The following LRP1B variants were observed in gnomAD, a reference collection of about 807,000 sequenced individuals.
LRP1B encodes low-density lipoprotein receptor-related protein 1B.
In LRP1B, 217 loss-of-function variants were observed where a neutral mutation model predicts 556.6. The ratio of observed to expected loss-of-function variants is 0.39; its 90% CI spans 0.35 to 0.44. The LOEUF (loss-of-function observed/expected upper bound fraction) is 0.44, where lower values mean the gene tolerates loss of function less well. LRP1B is among the 20% of genes least tolerant of loss of function. The pLI is 1.00. For missense variants in LRP1B, 5,053 were observed against 5,620.8 expected (o/e 0.90, Z 3.23); for synonymous variants, 2,047 against 1,865.8 (o/e 1.10, Z -2.50).
At chr2:140,610,382 A>G (rs1275188698) in intron 41 of LRP1B, among the ~76,000 whole-genome samples, 3 of 152,148 alleles carry the variant, frequency 2.0e-5, no homozygotes, top group Admixed American at 2.0e-4. Context: ...GAATAAATCA[A>G]TATGTATTTC....
At chr2:141,624,596 T>C (rs901948986) in intron 2 of LRP1B, among the ~76,000 whole-genome samples, 1 of 152,150 alleles carries the variant, frequency 6.6e-6, no homozygotes, top group African/African-American at 2.4e-5. Context: ...TCTATCTCTA[T>C]CTATAAATAG....
intron 43 of LRP1B, among the ~76,000 whole-genome samples, chr2:140,563,672 A>G (rs556178297): frequency 1.1e-4 from 16 of 152,288 alleles, no homozygotes; most frequent in Admixed American, 4.6e-4. Context: ...TTTATAGGAC[A>G]TTCAATCATG....
chr2:141,292,862 C>T (rs1285567194), intron 3 of LRP1B, among the ~76,000 whole-genome samples: 1 of 152,044 alleles, frequency 6.6e-6, no homozygotes, highest in East Asian at 1.9e-4. Context: ...ATAAAGGATA[C>T]TAGGTAAAAA....
intron 2 of LRP1B, among the ~76,000 whole-genome samples, chr2:141,809,085 T>A (rs1420771390): frequency 6.6e-6 from 1 of 152,080 alleles, no homozygotes; most frequent in Non-Finnish European, 1.5e-5. Context: ...TTTTTGGGAG[T>A]TAACTAGTGA....
At chr2:141,557,754 G>A (rs998363965) in intron 2 of LRP1B, among the ~76,000 whole-genome samples, 2 of 151,882 alleles carry the variant, frequency 1.3e-5, no homozygotes, top group Non-Finnish European at 2.9e-5. Flanking sequence ...TCTAGACTAA[G>A]AGTGTATAAC....
Position 141,519,401 on chromosome 2 carries a change from A to G in LRP1B, c.206-38868T>C, listed in dbSNP as rs1321756393. ...TATATATATATATATATATATATATATGAAATGCAATATTTATTGAATTTA... is the reference window on the plus strand; with the variant it reads ...TATATATATATATATATATATATATGTGAAATGCAATATTTATTGAATTTA... On this transcript the variant is annotated intron_variant, in intron 2 of 90. Coordinates refer to ENST00000389484, the MANE Select transcript of LRP1B (RefSeq NM_018557.3). 1.3e-4 allele frequency among the ~76,000 whole-genome samples: 3 copies of G among 22,608 alleles called. 1 individual carries two copies. Among genetic ancestry groups the G allele is most frequent in the East Asian group, 1.6e-3 (2 of 1,264 alleles). 14.8% of individuals were successfully genotyped at this position (22,608 alleles called of 152,430 possible).
At chr2:140,522,794 G>GA (rs1690240814) in intron 49 of LRP1B, among the ~76,000 whole-genome samples, 1 of 151,812 alleles carries the variant, frequency 6.6e-6, no homozygotes, top group Non-Finnish European at 1.5e-5. Flanking sequence ...AAAATTTAGA[G>GA]AAAATGAATA....
intron 11 of LRP1B, among the ~76,000 whole-genome samples, chr2:141,022,258 AT>A (rs368646087): frequency 0.01 from 1,573 of 151,428 alleles, 30 homozygotes; most frequent in African/African-American, 0.035. Flanking sequence ...AGCCTAGATT[AT>A]TTTTTAAGGT....
At chr2:142,091,703 G>A (rs1233299358) in intron 1 of LRP1B, among the ~76,000 whole-genome samples, 1 of 152,002 alleles carries the variant, frequency 6.6e-6, no homozygotes, top group Non-Finnish European at 1.5e-5. Flanking sequence ...CTCTGTTTTT[G>A]TTCAGGTAGA....
chr2:140,476,444 A>G (rs894628746), intron 59 of LRP1B, among the ~76,000 whole-genome samples: 5 of 152,034 alleles, frequency 3.3e-5, no homozygotes, highest in African/African-American at 1.2e-4. Context: ...ATTCAATTCA[A>G]ATCTAAAACA....
chr2:140,511,916 T>C (rs2104924014), intron 51 of LRP1B, among the ~76,000 whole-genome samples: 1 of 152,342 alleles, frequency 6.6e-6, no homozygotes, highest in East Asian at 1.9e-4. Context: ...TCTATCCTTT[T>C]TAAGCTTGCC....
At chr2:140,606,115 A>T (rs2105212291) in intron 41 of LRP1B, among the ~76,000 whole-genome samples, 1 of 152,184 alleles carries the variant, frequency 6.6e-6, no homozygotes, top group East Asian at 1.9e-4. Context: ...TGCAGATGGC[A>T]AGTACTGGTA....
rs547143847 is a variant in LRP1B at position 141,250,377 on chromosome 2, G to A, written c.464-3023C>T. 2.8e-4 allele frequency among the ~76,000 whole-genome samples: 43 copies of A among 152,188 alleles called. 1 individual carries two copies. The highest frequency in any genetic ancestry group is 9.9e-4 in the African/African-American group (41 of 41,538). On this transcript the variant is annotated intron_variant, in intron 4 of 90. Coordinates refer to ENST00000389484, the MANE Select transcript of LRP1B (RefSeq NM_018557.3). ...CCTCCAGTGAGAAGAAAGGGGACTG[G>A]GGGTTGGGCTAAAAAATAACTCTTG...
At chr2:141,384,863 G>A (rs544194108) in intron 3 of LRP1B, among the ~76,000 whole-genome samples, 165 of 152,282 alleles carry the variant, frequency 1.1e-3, no homozygotes, top group Middle Eastern at 3.4e-3. Flanking sequence ...CTCCTTCACT[G>A]ATTAATCCTT....
intron 7 of LRP1B, among the ~76,000 whole-genome samples, chr2:141,158,544 TC>T (rs1702124060): frequency 6.6e-6 from 1 of 152,086 alleles, no homozygotes; most frequent in African/African-American, 2.4e-5. Flanking sequence ...TCAATTTTGT[TC>T]TCTCTGTGGC....
At chr2:141,216,131 G>T (rs1365385423) in intron 6 of LRP1B, among the ~76,000 whole-genome samples, 1 of 152,162 alleles carries the variant, frequency 6.6e-6, no homozygotes, top group African/African-American at 2.4e-5. Flanking sequence ...AGGCTCTGCT[G>T]CTCTGCACAG....
At chr2:141,770,283 T>C (rs1005683594) in intron 2 of LRP1B, among the ~76,000 whole-genome samples, 1 of 152,224 alleles carries the variant, frequency 6.6e-6, no homozygotes, top group Non-Finnish European at 1.5e-5. Flanking sequence ...TAAATCCTCA[T>C]TTCTAAAAAT....
intron 2 of LRP1B, among the ~76,000 whole-genome samples, chr2:141,626,178 C>T (rs923347606): frequency 3.3e-5 from 5 of 152,048 alleles, no homozygotes; most frequent in African/African-American, 9.7e-5. Context: ...AATGAATTGA[C>T]TTTTGACAAA....
chr2:140,284,517 T>C (rs1021430597), intron 84 of LRP1B, among the ~76,000 whole-genome samples: 1 of 151,656 alleles, frequency 6.6e-6, no homozygotes, highest in Admixed American at 6.6e-5. Flanking sequence ...CACCTCATCA[T>C]AGTGAGAGAA....
Sources: allele counts gnomAD v4.1 joint callset (sites outside exome capture counted in the v4.1 genomes callset), GRCh38; gene constraint gnomAD v4.1.1; transcripts MANE v1.5; gene names NCBI Gene and HGNC (gene_info 2026-07-23, HGNC 2026-07-21).